The following STK3 variants were observed in gnomAD, a reference collection of about 807,000 sequenced individuals.
STK3 encodes serine/threonine-protein kinase 3.
In STK3, 41 loss-of-function variants were observed where a neutral mutation model predicts 58.0. The ratio of observed to expected loss-of-function variants is 0.71; its 90% CI spans 0.55 to 0.92. STK3 has a LOEUF of 0.92. STK3 is among the 40% of genes least tolerant of loss of function. STK3 has a pLI of 0.00. For missense variants in STK3, 479 were observed against 602.7 expected (o/e 0.79, Z 2.15); for synonymous variants, 170 against 191.0 (o/e 0.89, Z 0.91).
chr8:98,417,103 G>A (rs573977784), intron 3 of STK3, among the ~76,000 whole-genome samples: 29 of 152,240 alleles, frequency 1.9e-4, no homozygotes, highest in Non-Finnish European at 4.1e-4. Context: ...GAGCAGAGCT[G>A]AGTGCTGGGG....
At chr8:98,496,911 T>C (rs1586706506) in intron 10 of STK3, among the ~76,000 whole-genome samples, 1 of 152,150 alleles carries the variant, frequency 6.6e-6, no homozygotes, top group African/African-American at 2.4e-5. Context: ...ATATACTTAC[T>C]ATTTAACTGT....
At position 98,428,036 on chromosome 8, in the gene STK3, C is replaced by T. The variant is rs753420880; in HGVS notation, n.483+6091G>A. On this transcript the variant is annotated intron_variant and non_coding_transcript_variant, in intron 3 of 3. Coordinates refer to the STK3 transcript ENST00000517832. This position sits in a 1 kb window ranked among gnomAD's most constrained non-coding sequence, Gnocchi z 6.7. Reference sequence around the variant, plus strand: ...AGGCTAACGTCGAGGACGGGGAGATCCGCATCAATGTGGGCGGCTTCAAGA... The same window carrying T: ...AGGCTAACGTCGAGGACGGGGAGATTCGCATCAATGTGGGCGGCTTCAAGA... 1.2e-5 allele frequency: 19 copies of T among 1,608,506 alleles called. No individual in the cohort carries two copies. The highest frequency in any genetic ancestry group is 1.6e-5 in the Non-Finnish European group (19 of 1,177,014).
At chr8:98,634,561 C>T (rs1819495824) in intron 6 of STK3, among the ~76,000 whole-genome samples, 1 of 152,116 alleles carries the variant, frequency 6.6e-6, no homozygotes, top group South Asian at 2.1e-4. Flanking sequence ...TGGTTAATGG[C>T]ACCACCATCT....
intron 1 of STK3, chr8:98,782,464 TC>T: frequency 3.7e-6 from 1 of 271,898 alleles, no homozygotes; most frequent in South Asian, 4.9e-5. Flanking sequence ...ATGGAACACA[TC>T]CACCTGCTGA....
chr8:98,682,725 G>A (rs1223568388), intron 6 of STK3, among the ~76,000 whole-genome samples: 4 of 152,188 alleles, frequency 2.6e-5, no homozygotes, highest in Non-Finnish European at 5.9e-5. Flanking sequence ...GGTATGACTT[G>A]TCTTTCTTTT....
chr8:98,659,193 C>T (rs531506623), intron 6 of STK3, among the ~76,000 whole-genome samples: 5 of 152,150 alleles, frequency 3.3e-5, no homozygotes, highest in Non-Finnish European at 7.4e-5. Context: ...TTCTTTCATA[C>T]AATTTTTCAT....
chr8:98,825,389 C>A (rs1449094860), intron 1 of STK3, 126 bp downstream of exon 1: 4 of 874,026 alleles, frequency 4.6e-6, no homozygotes, highest in Non-Finnish European at 6.1e-6. Context: ...CGCCTCCCGA[C>A]CTCAGCGCGC....
chr8:98,609,210 G>T (rs1816991105), intron 6 of STK3, among the ~76,000 whole-genome samples: 2 of 152,074 alleles, frequency 1.3e-5, no homozygotes, highest in Admixed American at 1.3e-4. Context: ...TCAGAATAAC[G>T]GAATAAGAGT....
intron 4 of STK3, among the ~76,000 whole-genome samples, chr8:98,738,173 A>T (rs565527775): frequency 1.1e-3 from 167 of 152,336 alleles, no homozygotes; most frequent in African/African-American, 3.8e-3. Flanking sequence ...GGAGCTTGAC[A>T]ACTTATTCTA....
chr8:98,844,958 G>A (rs987337395), intron 3 of STK3, among the ~76,000 whole-genome samples: 5 of 152,094 alleles, frequency 3.3e-5, no homozygotes, highest in Non-Finnish European at 5.9e-5. Context: ...TTGCTTTCAC[G>A]TGACAAAAAC....
At chr8:98,601,579 T>C (rs1816353313) in intron 6 of STK3, 1 of 152,208 alleles carries the variant, frequency 6.6e-6, no homozygotes, top group Admixed American at 6.5e-5. Flanking sequence ...TAATGGAATA[T>C]AAAAATGTAT....
chr8:98,630,201 T>G (rs916309900), intron 6 of STK3, among the ~76,000 whole-genome samples: 1 of 152,160 alleles, frequency 6.6e-6, no homozygotes, highest in African/African-American at 2.4e-5. Flanking sequence ...ACTTAGAAAC[T>G]GTATCAATCT....
intron 9 of STK3, among the ~76,000 whole-genome samples, chr8:98,537,362 G>A (rs912991073): frequency 1.3e-5 from 2 of 152,150 alleles, no homozygotes; most frequent in Non-Finnish European, 2.9e-5. Flanking sequence ...ATGGGAGGGG[G>A]CAGCTGCAAT....
chr8:98,502,027 C>T (rs1823645119), intron 10 of STK3, among the ~76,000 whole-genome samples: 1 of 152,208 alleles, frequency 6.6e-6, no homozygotes, highest in East Asian at 1.9e-4. Flanking sequence ...TTGATGCCTC[C>T]TATCCATGAG....
intron 1 of STK3, among the ~76,000 whole-genome samples, chr8:98,930,747 G>C (rs1351005581): frequency 6.6e-6 from 1 of 152,198 alleles, no homozygotes; most frequent in African/African-American, 2.4e-5. Context: ...TTTGAAGCAA[G>C]AAAAATTACA....
intron 6 of STK3, among the ~76,000 whole-genome samples, chr8:98,658,311 A>G (rs1357969148): frequency 6.6e-6 from 1 of 152,070 alleles, no homozygotes; most frequent in Non-Finnish European, 1.5e-5. Flanking sequence ...GGTCAGGCAG[A>G]GAAGGCTATG....
intron 8 of STK3, among the ~76,000 whole-genome samples, chr8:98,571,090 G>A (rs1812926216): frequency 6.6e-6 from 1 of 152,154 alleles, no homozygotes; most frequent in Admixed American, 6.5e-5. Context: ...AGCACTTTGA[G>A]AGGCCAAGGC....
chr8:98,453,085 T>G (rs1052321399), downstream of STK3, among the ~76,000 whole-genome samples: 966 of 75,038 alleles, frequency 0.013, 221 homozygotes, highest in Non-Finnish European at 0.019. Flanking sequence ...TTCTTGTTTT[T>G]TTTTTTTTTT....
chr8:98,614,829 T>C (rs1817537112), intron 6 of STK3, among the ~76,000 whole-genome samples: 1 of 151,996 alleles, frequency 6.6e-6, no homozygotes, highest in Non-Finnish European at 1.5e-5. Flanking sequence ...ATCTCGCTGA[T>C]TGCTAGCACA....
Sources: allele counts gnomAD v4.1 joint callset (sites outside exome capture counted in the v4.1 genomes callset), GRCh38; gene constraint gnomAD v4.1.1; non-coding constraint Gnocchi (gnomAD v3.1); transcripts MANE v1.5; gene names NCBI Gene and HGNC (gene_info 2026-07-23, HGNC 2026-07-21).